Variants in C2orf15 observed in about 807,000 individuals in gnomAD.
C2orf15 encodes the protein uncharacterized protein C2orf15.
A neutral mutation model predicts 4.4 loss-of-function variants in C2orf15; 3 were observed. The observed-to-expected ratio is 0.67, with a 90% CI of 0.31 to 1.74. The LOEUF is 1.74. Among genes scored for constraint, C2orf15 ranks in the 40% most tolerant of loss-of-function variants. C2orf15 has a pLI of 0.09. For synonymous variants in C2orf15, 37 were observed against 36.8 expected (o/e 1.00, Z -0.02); for missense variants, 90 against 103.3 (o/e 0.87, Z 0.56).
At chr2:99,147,593 C>G (rs539038519) in intron 3 of C2orf15, 100 bp downstream of exon 3, 14 of 1,018,374 alleles carry the variant, frequency 1.4e-5, no homozygotes, top group Middle Eastern at 2.4e-4. Flanking sequence ...TTATATGTTA[C>G]CATTCTTTTA....
At chr2:99,146,655 G>A (rs1465178159) in intron 2 of C2orf15, among the ~76,000 whole-genome samples, 1 of 152,028 alleles carries the variant, frequency 6.6e-6, no homozygotes, top group African/African-American at 2.4e-5. Flanking sequence ...TTGAGACGGA[G>A]TCTTGCTCTG....
intron 2 of C2orf15, among the ~76,000 whole-genome samples, chr2:99,143,578 C>A (rs1325900792): frequency 6.6e-6 from 1 of 151,776 alleles, no homozygotes; most frequent in African/African-American, 2.4e-5. Context: ...TGAAGCAGTT[C>A]TCCTGCCTTA....
chr2:99,147,239 G>A, intron 2 of C2orf15, 163 bp from the exon 3 acceptor site: 2 of 468,194 alleles, frequency 4.3e-6, no homozygotes, highest in Non-Finnish European at 7.6e-6. Context: ...GGACTCAAGA[G>A]ATCTTTCCAC....
chr2:99,148,734 G>A (rs2093657533), intron 3 of C2orf15, among the ~76,000 whole-genome samples: 1 of 152,174 alleles, frequency 6.6e-6, no homozygotes. Flanking sequence ...CACTTTGGGA[G>A]CTGAGGTGGG....
At chr2:99,144,649 CAAAAAA>C (rs70940140) in intron 2 of C2orf15, among the ~76,000 whole-genome samples, 4 of 52,268 alleles carry the variant, frequency 7.7e-5, no homozygotes, top group Admixed American at 2.7e-4. Context: ...AACTCTGTCT[CAAAAAA>C]AAAAAAAAAA....
chr2:99,149,506 G>C (rs1355239624), intron 3 of C2orf15, among the ~76,000 whole-genome samples: 1 of 143,454 alleles, frequency 7.0e-6, no homozygotes, highest in East Asian at 2.2e-4. Context: ...GCAGTGGCGC[G>C]ATCTCGGCTC....
At chr2:99,149,474 G>A (rs1279511072) in intron 3 of C2orf15, among the ~76,000 whole-genome samples, 12 of 138,278 alleles carry the variant, frequency 8.7e-5, no homozygotes, top group South Asian at 2.3e-4. Flanking sequence ...ACGGAGTCTC[G>A]CTCTGTCGCC....
At chr2:99,144,688 G>A (rs148107834) in intron 2 of C2orf15, among the ~76,000 whole-genome samples, 1 of 137,114 alleles carries the variant, frequency 7.3e-6, no homozygotes, top group African/African-American at 2.6e-5. Context: ...GAAAGCATGA[G>A]GATAAGTCTG....
intron 3 of C2orf15, among the ~76,000 whole-genome samples, chr2:99,149,785 C>CTTT (rs70940143): frequency 2.7e-5 from 3 of 112,452 alleles, no homozygotes; most frequent in Admixed American, 1.0e-4. Context: ...TCACAAGTAT[C>CTTT]TTTTTTTTTT....
intron 2 of C2orf15, among the ~76,000 whole-genome samples, chr2:99,145,950 A>G (rs1434300946): frequency 6.6e-6 from 1 of 152,022 alleles, no homozygotes; most frequent in Non-Finnish European, 1.5e-5. Flanking sequence ...TGGGCAACAC[A>G]GTGACACCCT....
At chr2:99,147,992 G>C (rs1474566198) in intron 3 of C2orf15, among the ~76,000 whole-genome samples, 1 of 152,098 alleles carries the variant, frequency 6.6e-6, no homozygotes, top group African/African-American at 2.4e-5. Context: ...AAATGTTTCA[G>C]TTATCTAAGT....
rs1187248934 is a variant in C2orf15, at chr2:99,146,324, T to TA, written c.-168-1077dup. Among the ~76,000 whole-genome samples the TA allele has an allele frequency of 5.3e-5, 8 of 152,374 alleles. No homozygotes were observed. The East Asian group carries it at 1.2e-3, about 22-fold the overall frequency. On this transcript the variant is annotated intron_variant, in intron 2 of 3. Transcript: ENST00000650052. ...TTTTTATATCCTTTGCCCATTTTTCTATTGGGTTTTCTTTTTCCTTGCTAA... is the reference window on the plus strand; with the variant it reads ...TTTTTATATCCTTTGCCCATTTTTCTAATTGGGTTTTCTTTTTCCTTGCTAA...
In C2orf15 at chr2:99,145,965, C is replaced by G. The variant is rs569080791; in HGVS notation, c.-168-1437C>G. On this transcript the variant is annotated intron_variant, in intron 2 of 3. Transcript: ENST00000650052. ...TGGGCAACACAGTGACACCCTGTCT[C>G]TACAAAAAAAATGAATTTTAAAAAT... Among the ~76,000 whole-genome samples, 6 of 152,128 alleles carry G rather than the reference C, an allele frequency of 3.9e-5. No individual in the cohort carries two copies. The South Asian group carries it at 1.2e-3, about 32-fold the overall frequency.
At position 99,150,818 on chromosome 2, in the gene C2orf15, T is replaced by C; in HGVS notation, c.260T>C (p.Met87Thr). Residue 87 changes from methionine to threonine, a missense_variant, in exon 4 of 4, where the codon ATG (methionine) becomes ACG (threonine). Physicochemically the swap from Met to Thr is moderately conservative, Grantham distance 81. Coordinates refer to ENST00000650052, the MANE Select transcript of C2orf15 (RefSeq NM_144706.4). ...VYVKESDGLE[M>T]TDVE The stretch of plus-strand genomic sequence containing the variant: ...GTCAAAGAAAGTGATGGACTAGAAA[T>C]GACAGATGTGGAATGAAGCAATTTG... 1 of 1,589,998 alleles carries C rather than the reference T, an allele frequency of 6.3e-7. No individual in the cohort carries two copies. The highest frequency in any genetic ancestry group is 8.5e-7 in the Non-Finnish European group (1 of 1,171,938).
intron 2 of C2orf15, among the ~76,000 whole-genome samples, chr2:99,146,447 A>AT (rs919579514): frequency 2.0e-5 from 3 of 151,558 alleles, no homozygotes; most frequent in African/African-American, 4.9e-5. Context: ...TTTTGTTTAT[A>AT]TTTTTTTCAT....
At chr2:99,144,729 G>A (rs184894900) in intron 2 of C2orf15, among the ~76,000 whole-genome samples, 1 of 148,454 alleles carries the variant, frequency 6.7e-6, no homozygotes, top group African/African-American at 2.5e-5. Flanking sequence ...ACTAGCAGCA[G>A]AAGTCTGCCA....
At chr2:99,146,632 C>CT (rs1229631785) in intron 2 of C2orf15, among the ~76,000 whole-genome samples, 2 of 151,920 alleles carry the variant, frequency 1.3e-5, no homozygotes, top group African/African-American at 2.4e-5. Context: ...TTGCACTCCA[C>CT]TTTTTTTTCT....
rs1398019742 is a variant in C2orf15, at chr2:99,150,767, G to A, written c.209G>A (p.Gly70Glu). ...IEGTGTGSLSGKALGSVVYVK... is the reference protein window; with the variant it reads ...IEGTGTGSLSEKALGSVVYVK... ...GGGACTGGCACAGGATCTCTTTCTG[G>A]GAAAGCCTTGGGTTCAGTGGTATAT... The change falls in exon 4 of 4, where the codon GGG becomes GAG. Residue 70 changes from glycine to glutamate, a missense_variant. Transcript: ENST00000650052. 1 of 1,613,562 alleles carries A rather than the reference G, an allele frequency of 6.2e-7. No homozygotes were observed. The highest frequency in any genetic ancestry group is 1.1e-5 in the South Asian group (1 of 90,986).
In C2orf15 at chr2:99,144,938, T is replaced by C. The variant is rs533441301; in HGVS notation, c.-168-2464T>C. ...AAGGCAAAGAGACAGGAGAGAGTGCTTGCTAGTAGAGTTGTTTGCTACGGC... is the reference window on the plus strand; with the variant it reads ...AAGGCAAAGAGACAGGAGAGAGTGCCTGCTAGTAGAGTTGTTTGCTACGGC... On this transcript the variant is annotated intron_variant, in intron 2 of 3. Transcript: ENST00000650052. 1.9e-3 allele frequency among the ~76,000 whole-genome samples: 296 copies of C among 152,280 alleles called. 1 individual carries two copies. Among genetic ancestry groups the C allele is most frequent in the Non-Finnish European group, 3.5e-3 (238 of 68,012 alleles).
Sources: gnomAD v4.1 joint callset for allele counts (sites outside exome capture counted in the v4.1 genomes callset) on GRCh38, gnomAD v4.1.1 for gene constraint, MANE v1.5 for transcripts, NCBI Gene and HGNC (gene_info 2026-07-23, HGNC 2026-07-21) for gene names.